Variants in ZFAND4 observed in about 807,000 individuals in gnomAD.
ZFAND4 encodes the protein AN1-type zinc finger protein 4.
In ZFAND4, 43 loss-of-function variants were observed where a neutral mutation model predicts 64.4. The observed-to-expected ratio is 0.67, with a 90% CI of 0.52 to 0.86. The LOEUF is 0.86. Ranked by LOEUF, ZFAND4 falls within the 40% of genes least tolerant of loss-of-function variation. The probability of loss-of-function intolerance (pLI) is 0.00; values close to 1 mark genes in which losing one functional copy is unlikely to be tolerated. For synonymous variants in ZFAND4, 296 were observed against 305.7 expected (o/e 0.97, Z 0.33); for missense variants, 929 against 859.8 (o/e 1.08, Z -1.01).
In ZFAND4 at chr10:45,670,354, G is replaced by A. The variant is rs905177730; in HGVS notation, c.-118+1896C>T. Among the ~76,000 whole-genome samples, 7 of 151,830 alleles carry A rather than the reference G, an allele frequency of 4.6e-5. No individual in the cohort carries two copies. The East Asian group carries it at 1.4e-3, about 29-fold the overall frequency. ...TGATTCTCCTGCCTCAGCCTCCCTA[G>A]TAGCTGGGATTACAGGCATGTGCCA... On this transcript the variant is annotated intron_variant, in intron 1 of 9. Transcript: ENST00000344646.
At chr10:45,661,834 G>A (rs982119757) in intron 2 of ZFAND4, among the ~76,000 whole-genome samples, 3 of 152,010 alleles carry the variant, frequency 2.0e-5, no homozygotes, top group African/African-American at 7.3e-5. Flanking sequence ...CAGCTACTCG[G>A]GAGGCTGAGG....
chr10:45,648,027 C>A (rs1589371995), intron 5 of ZFAND4, among the ~76,000 whole-genome samples: 1 of 152,246 alleles, frequency 6.6e-6, no homozygotes, highest in East Asian at 1.9e-4. Flanking sequence ...TTAACCCTTT[C>A]TATTATGCTA....
intron 2 of ZFAND4, among the ~76,000 whole-genome samples, chr10:45,661,808 C>T (rs183514111): frequency 0.016 from 2,473 of 152,062 alleles, 76 homozygotes; most frequent in African/African-American, 0.056. Context: ...GGCATGGTGG[C>T]GCATGCCTGT....
At chr10:45,620,895 C>G (rs896720602) in intron 8 of ZFAND4, 1 of 152,172 alleles carries the variant, frequency 6.6e-6, no homozygotes, top group African/African-American at 2.4e-5. Context: ...ATCAACTCCT[C>G]TCTGAAGCCT....
rs1335186927 is a variant in ZFAND4, at chr10:45,635,228, AC to A, written c.717+4587del. 5.1e-4 allele frequency among the ~76,000 whole-genome samples: 70 copies of A among 137,442 alleles called. 1 individual carries two copies. Among genetic ancestry groups the A allele is most frequent in the African/African-American group, 1.2e-3 (44 of 38,082 alleles). 90.2% of individuals were successfully genotyped at this position (137,442 alleles called of 152,430 possible). On this transcript the variant is annotated intron_variant, in intron 6 of 9. Coordinates refer to ENST00000344646, the MANE Select transcript of ZFAND4 (RefSeq NM_174890.4). ...AAAAAAAAAAACAAAAAAAAAACAAACAAAAAAAAACTGGAAGAATCACAAT... is the reference window on the plus strand; with the variant it reads ...AAAAAAAAAAACAAAAAAAAAACAAAAAAAAAAAACTGGAAGAATCACAAT...
chr10:45,625,342 T>C (rs112161062), intron 7 of ZFAND4, among the ~76,000 whole-genome samples: 15,335 of 148,844 alleles, frequency 0.1, 1,117 homozygotes, highest in Admixed American at 0.19. Context: ...GGCGTGGTGG[T>C]AGGTGCCTGT....
chr10:45,659,087 T>C (rs1164147555), intron 2 of ZFAND4, among the ~76,000 whole-genome samples: 2 of 152,210 alleles, frequency 1.3e-5, no homozygotes, highest in Non-Finnish European at 2.9e-5. Flanking sequence ...GATGAATTCA[T>C]AGAGGCTGAG....
chr10:45,643,046 T>C (rs964046183), intron 5 of ZFAND4, among the ~76,000 whole-genome samples: 2 of 149,074 alleles, frequency 1.3e-5, no homozygotes, highest in Non-Finnish European at 3.0e-5. Flanking sequence ...TCAGCCTCCC[T>C]AGTAGCTGGG....
At position 45,648,462 on chromosome 10, in the gene ZFAND4, GTCT is replaced by G. The variant is rs760541494; in HGVS notation, c.398_400del (p.Lys133del). 1.2e-6 allele frequency: 2 copies of G among 1,613,794 alleles called. No homozygotes were observed. Among genetic ancestry groups the G allele is most frequent in the African/African-American group, 1.3e-5 (1 of 74,900 alleles). The stretch of plus-strand genomic sequence containing the variant: ...AAATGTAACTTGTTTGCTGCAGGAG[GTCT>G]TCTCCCAGACCTCAACTCGACTGGA... On this transcript the variant is annotated inframe_deletion, in exon 5 of 10. Transcript: ENST00000344646.
intron 8 of ZFAND4, chr10:45,620,832 T>C (rs1010010539): frequency 2.0e-5 from 3 of 152,222 alleles, no homozygotes; most frequent in Non-Finnish European, 4.4e-5. Flanking sequence ...TAAAGTAAAC[T>C]CTACCTTGTC....
At chr10:45,616,827 G>T (rs1437816390) in intron 9 of ZFAND4, among the ~76,000 whole-genome samples, 1 of 152,178 alleles carries the variant, frequency 6.6e-6, no homozygotes, top group Admixed American at 6.5e-5. Flanking sequence ...AGGGGCGGTG[G>T]CTCAAGCCTG....
intron 1 of ZFAND4, among the ~76,000 whole-genome samples, chr10:45,664,589 T>A (rs2048688029): frequency 6.6e-6 from 1 of 150,456 alleles, no homozygotes; most frequent in Admixed American, 6.6e-5. Flanking sequence ...TGAATCATAC[T>A]GGATAAAAGG....
intron 1 of ZFAND4, among the ~76,000 whole-genome samples, chr10:45,670,506 C>T (rs1482196643): frequency 1.3e-5 from 2 of 152,216 alleles, no homozygotes; most frequent in Non-Finnish European, 2.9e-5. Context: ...TCCCAAAGTG[C>T]TGGGATTACA....
At chr10:45,663,872 C>G in intron 1 of ZFAND4, 30 bp from the exon 2 acceptor site, 1 of 597,980 alleles carries the variant, frequency 1.7e-6, no homozygotes, top group South Asian at 3.1e-5. Flanking sequence ...TTTAACAAGC[C>G]TATCTGAAAG....
At position 45,672,769 on chromosome 10, in the gene ZFAND4, C is replaced by T. The variant is rs2049297235; in HGVS notation, c.-637G>A. 6.6e-6 allele frequency: 1 copy of T among 152,336 alleles called. No individual in the cohort carries two copies. The highest frequency in any genetic ancestry group is 1.5e-5 in the Non-Finnish European group (1 of 68,170). 9.4% of individuals were successfully genotyped at this position (152,336 alleles called of 1,614,324 possible). A position where few individuals can be genotyped will look rare whatever the true frequency, so the allele number is the denominator to read the frequency against. On this transcript the variant is annotated 5_prime_UTR_variant, in exon 1 of 10. Transcript: ENST00000344646. ...CAACTTCACGGAAGGCACTGGCCGA[C>T]AACGCTCCGCTGCCGCCGCGCCCCG... is the stretch of plus-strand genomic sequence containing the variant.
intron 5 of ZFAND4, chr10:45,640,278 GA>G (rs2046893591): frequency 4.9e-6 from 6 of 1,233,464 alleles, no homozygotes; most frequent in Non-Finnish European, 6.2e-6. Context: ...ATTTCCATGA[GA>G]ATGTCTGATT....
At chr10:45,642,349 T>A (rs1209136495) in intron 5 of ZFAND4, among the ~76,000 whole-genome samples, 2 of 152,140 alleles carry the variant, frequency 1.3e-5, no homozygotes, top group African/African-American at 4.8e-5. Flanking sequence ...GGCTCACGCC[T>A]GTAATCCCAG....
At chr10:45,664,937 C>CAA (rs111822332) in intron 1 of ZFAND4, among the ~76,000 whole-genome samples, 5 of 150,806 alleles carry the variant, frequency 3.3e-5, no homozygotes, top group African/African-American at 9.7e-5. Flanking sequence ...GTCTCAAAAA[C>CAA]AAAAAAAAGT....
intron 1 of ZFAND4, among the ~76,000 whole-genome samples, chr10:45,670,261 T>C (rs2049092919): frequency 6.6e-6 from 1 of 151,944 alleles, no homozygotes; most frequent in East Asian, 1.9e-4. Context: ...AGTTTCACTT[T>C]TGTTGCCCAG....
Sources: gnomAD v4.1 joint callset for allele counts (sites outside exome capture counted in the v4.1 genomes callset) on GRCh38, gnomAD v4.1.1 for gene constraint, MANE v1.5 for transcripts, NCBI Gene and HGNC (gene_info 2026-07-23, HGNC 2026-07-21) for gene names.